Variants in AMPD3 observed in about 807,000 individuals in gnomAD.
AMPD3 encodes the protein AMP deaminase 3.
AMPD3 carries 57 observed loss-of-function variants against 82.3 expected under a neutral mutation model. The ratio of observed to expected loss-of-function variants is 0.69; its 90% CI spans 0.56 to 0.86. AMPD3 has a LOEUF of 0.86. Among genes scored for constraint, AMPD3 ranks in the 40% least tolerant of loss-of-function variants. AMPD3 has a pLI of 0.00. For synonymous variants in AMPD3, 381 were observed against 394.7 expected, an observed-to-expected ratio of 0.97 and a Z score of 0.41; for missense variants, 870 against 1,003.8, an observed-to-expected ratio of 0.87 and a Z score of 1.80.
At chr11:10,488,962 C>T (rs955947221) in intron 6 of AMPD3, among the ~76,000 whole-genome samples, 5 of 152,174 alleles carry the variant, frequency 3.3e-5, no homozygotes, top group African/African-American at 9.6e-5. Flanking sequence ...TTCTGTTACA[C>T]GCCAGGGGTC....
intron 2 of AMPD3, chr11:10,476,966 G>T: frequency 1.0e-6 from 1 of 985,450 alleles, no homozygotes; most frequent in Non-Finnish European, 1.2e-6. Context: ...CTGAAAAGGA[G>T]CCACCTCTGT....
At chr11:10,474,098 A>G (rs1848671079) in intron 2 of AMPD3, among the ~76,000 whole-genome samples, 1 of 152,102 alleles carries the variant, frequency 6.6e-6, no homozygotes, top group African/African-American at 2.4e-5. Flanking sequence ...CAAAATATCC[A>G]GGGCATCTCA....
chr11:10,474,245 A>G (rs1222469514), intron 2 of AMPD3, among the ~76,000 whole-genome samples: 2 of 152,168 alleles, frequency 1.3e-5, no homozygotes, highest in African/African-American at 4.8e-5. Flanking sequence ...AGTTTATTGA[A>G]TGAAGTGGGG....
At chr11:10,457,770 C>G (rs1848140207) in intron 1 of AMPD3, among the ~76,000 whole-genome samples, 2 of 152,120 alleles carry the variant, frequency 1.3e-5, no homozygotes, top group Non-Finnish European at 2.9e-5. Flanking sequence ...TGGTGTGTGC[C>G]TGTGGTCCCA....
upstream of AMPD3, among the ~76,000 whole-genome samples, chr11:10,451,554 G>C (rs540361990): frequency 9.7e-4 from 148 of 152,360 alleles, 1 homozygote; most frequent in Non-Finnish European, 6.9e-4. Flanking sequence ...TCTTCTGGTA[G>C]CTGCTTTGCC....
chr11:10,479,241 G>A (rs1848834030), intron 3 of AMPD3, among the ~76,000 whole-genome samples: 1 of 152,206 alleles, frequency 6.6e-6, no homozygotes, highest in African/African-American at 2.4e-5. Flanking sequence ...TTTACACTAA[G>A]TCAATTAACG....
intron 3 of AMPD3, chr11:10,481,697 C>A: frequency 5.9e-6 from 1 of 169,854 alleles, no homozygotes; most frequent in Non-Finnish European, 1.2e-5. Flanking sequence ...CCAGCAGAGT[C>A]ATCAGAACAT....
intron 2 of AMPD3, among the ~76,000 whole-genome samples, chr11:10,462,338 G>A (rs182990614): frequency 2.6e-5 from 4 of 152,220 alleles, no homozygotes; most frequent in East Asian, 1.9e-4. Context: ...AGAGAGAGGC[G>A]GCTCAGAGAT....
At chr11:10,466,127 T>C (rs533105515) in intron 2 of AMPD3, among the ~76,000 whole-genome samples, 28 of 151,922 alleles carry the variant, frequency 1.8e-4, no homozygotes, top group Non-Finnish European at 2.9e-4. Context: ...CCGGGCGTGG[T>C]GGGGGGCACC....
At chr11:10,476,087 T>A (rs1459523964) in intron 2 of AMPD3, among the ~76,000 whole-genome samples, 1 of 152,186 alleles carries the variant, frequency 6.6e-6, no homozygotes, top group Non-Finnish European at 1.5e-5. Flanking sequence ...GGCAATTTGT[T>A]CTGCAGCAAT....
intron 8 of AMPD3, 102 bp downstream of exon 8, chr11:10,495,132 T>C (rs1014761180): frequency 6.2e-7 from 1 of 1,609,294 alleles, no homozygotes; most frequent in Non-Finnish European, 8.5e-7. Context: ...CCCCTCCCTC[T>C]GTGTACCATC....
chr11:10,461,733 G>A lies in AMPD3; in HGVS notation c.214G>A (p.Ala72Thr), dbSNP rs762457397. ...ELAEQKSVET[A>T]KRKKSFKMIR... Reference sequence around the variant, plus strand: ...GGCAGAGCAGAAGTCTGTGGAGACCGCAAAAAGGTTTGTTCCCAAGGCATG... The same window carrying A: ...GGCAGAGCAGAAGTCTGTGGAGACCACAAAAAGGTTTGTTCCCAAGGCATG... The change falls in exon 2 of 15, where the codon GCA (alanine) becomes ACA (threonine). Residue 72 changes from alanine to threonine, a missense_variant. Coordinates refer to ENST00000396553, the MANE Select transcript of AMPD3 (RefSeq NM_001025389.2). 2.3e-5 allele frequency: 37 copies of A among 1,608,310 alleles called. No homozygotes were observed. Among genetic ancestry groups the A allele is most frequent in the Admixed American group, 8.5e-5 (5 of 58,736 alleles).
chr11:10,475,274 C>T (rs1355133676), intron 2 of AMPD3, among the ~76,000 whole-genome samples: 1 of 152,118 alleles, frequency 6.6e-6, no homozygotes, highest in Non-Finnish European at 1.5e-5. Flanking sequence ...CTCACTAGAA[C>T]AGCACCAAGG....
chr11:10,503,270 G>T (rs780537402), intron 13 of AMPD3, among the ~76,000 whole-genome samples: 1 of 152,144 alleles, frequency 6.6e-6, no homozygotes, highest in Non-Finnish European at 1.5e-5. Flanking sequence ...ATGAATCAAA[G>T]GTTCTAACAT....
At chr11:10,450,768 G>A, upstream of AMPD3, 1 of 1,160,964 alleles carries the variant, frequency 8.6e-7, no homozygotes, top group Non-Finnish European at 1.1e-6. Flanking sequence ...CGCCCAGGTA[G>A]GGCACCGACG....
intron 2 of AMPD3, among the ~76,000 whole-genome samples, chr11:10,475,738 G>A (rs1848719629): frequency 6.6e-6 from 1 of 152,120 alleles, no homozygotes; most frequent in Non-Finnish European, 1.5e-5. Flanking sequence ...GAGATTCAAA[G>A]CAACAGCACA....
chr11:10,484,291 G>A, intron 4 of AMPD3: 1 of 985,346 alleles, frequency 1.0e-6, no homozygotes, highest in Non-Finnish European at 1.2e-6. Context: ...TGCTCTGGGG[G>A]AGACAAGTTC....
intron 2 of AMPD3, among the ~76,000 whole-genome samples, chr11:10,462,372 T>C (rs1041731335): frequency 1.3e-5 from 2 of 152,086 alleles, no homozygotes; most frequent in African/African-American, 2.4e-5. Context: ...GAGCAGCTAC[T>C]ACCCAGGACA....
chr11:10,502,116 A>C, intron 12 of AMPD3: 7 of 985,410 alleles, frequency 7.1e-6, no homozygotes, highest in Non-Finnish European at 8.4e-6. Flanking sequence ...CTGTGCATAC[A>C]GTCTTCTCCG....
Sources: allele counts gnomAD v4.1 joint callset (sites outside exome capture counted in the v4.1 genomes callset), GRCh38; gene constraint gnomAD v4.1.1; transcripts MANE v1.5; gene names NCBI Gene and HGNC (gene_info 2026-07-23, HGNC 2026-07-21).